The following NXPE4 variants were observed in gnomAD, a reference collection of about 807,000 sequenced individuals.
NXPE4 encodes the protein NXPE family member 4.
In NXPE4, 42 loss-of-function variants were observed where a neutral mutation model predicts 33.3. That is an observed-to-expected ratio of 1.26 (90% CI 0.98 to 1.63). The LOEUF (loss-of-function observed/expected upper bound fraction) is 1.63, where lower values mean the gene tolerates loss of function less well. Among genes scored for constraint, NXPE4 ranks in the 40% most tolerant of loss-of-function variants. The probability of loss-of-function intolerance (pLI) is 0.00; values close to 1 mark genes in which losing one functional copy is unlikely to be tolerated. For missense variants in NXPE4, 709 were observed against 647.6 expected, an observed-to-expected ratio of 1.09 and a Z score of -1.03; for synonymous variants, 253 against 234.9, an observed-to-expected ratio of 1.08 and a Z score of -0.71.
the NXPE4 span, among the ~76,000 whole-genome samples, chr11:114,648,468 A>G: frequency 6.6e-6 from 1 of 152,220 alleles, no homozygotes; most frequent in Non-Finnish European, 1.5e-5. Context: ...GATGAGGCTC[A>G]CCTACATTGG....
At chr11:114,639,706 C>A in the NXPE4 span, among the ~76,000 whole-genome samples, 1 of 122,786 alleles carries the variant, frequency 8.1e-6, no homozygotes, top group East Asian at 2.3e-4. Context: ...ATAATATATT[C>A]TATAATATAT....
the NXPE4 span, among the ~76,000 whole-genome samples, chr11:114,628,461 T>C: frequency 2.2e-4 from 33 of 152,130 alleles, no homozygotes; most frequent in Admixed American, 3.9e-4. Flanking sequence ...AAAGATGTTC[T>C]TTGAAACCAA....
At chr11:114,639,297 C>T in the NXPE4 span, among the ~76,000 whole-genome samples, 1 of 152,054 alleles carries the variant, frequency 6.6e-6, no homozygotes, top group Admixed American at 6.6e-5. Context: ...TCTCCTGGTG[C>T]ACCGTTCCTT....
At chr11:114,625,240 C>T in the NXPE4 span, among the ~76,000 whole-genome samples, 2 of 152,164 alleles carry the variant, frequency 1.3e-5, no homozygotes, top group African/African-American at 2.4e-5. Context: ...CGTATTGCCT[C>T]GTGGGTTACC....
chr11:114,633,852 T>C, the NXPE4 span, among the ~76,000 whole-genome samples: 1 of 152,082 alleles, frequency 6.6e-6, no homozygotes, highest in Non-Finnish European at 1.5e-5. Context: ...ATTATCTTAA[T>C]CCAGTCTATC....
At chr11:114,618,221 C>A in the NXPE4 span, among the ~76,000 whole-genome samples, 1 of 151,872 alleles carries the variant, frequency 6.6e-6, no homozygotes, top group South Asian at 2.1e-4. Flanking sequence ...CACTGTTACC[C>A]GGAGGATAAT....
the NXPE4 span, among the ~76,000 whole-genome samples, chr11:114,670,482 C>T: frequency 1.1e-4 from 16 of 151,956 alleles, no homozygotes; most frequent in Non-Finnish European, 2.4e-4. Flanking sequence ...TCCCTTGAGG[C>T]TAGGAGTTGG....
At chr11:114,585,706 G>A (rs986276313) in intron 2 of NXPE4, among the ~76,000 whole-genome samples, 3 of 152,054 alleles carry the variant, frequency 2.0e-5, no homozygotes, top group Non-Finnish European at 4.4e-5. Flanking sequence ...GACAGTGAGG[G>A]TAAAGGAGTC....
chr11:114,650,007 A>G, the NXPE4 span, among the ~76,000 whole-genome samples: 1 of 152,236 alleles, frequency 6.6e-6, no homozygotes, highest in Non-Finnish European at 1.5e-5. Flanking sequence ...TAAAAGGTCA[A>G]TAAAGATTTC....
chr11:114,675,697 G>A, the NXPE4 span, among the ~76,000 whole-genome samples: 6 of 151,796 alleles, frequency 4.0e-5, no homozygotes, highest in Admixed American at 1.3e-4. Context: ...CAGATTTAAC[G>A]TCATCTTTAT....
At chr11:114,661,115 T>G in the NXPE4 span, among the ~76,000 whole-genome samples, 1 of 152,096 alleles carries the variant, frequency 6.6e-6, no homozygotes, top group Non-Finnish European at 1.5e-5. Context: ...AAAGAAGACA[T>G]AAATAAATGG....
the NXPE4 span, among the ~76,000 whole-genome samples, chr11:114,657,308 G>C: frequency 1.3e-5 from 2 of 152,080 alleles, no homozygotes; most frequent in Non-Finnish European, 2.9e-5. Context: ...TCTCGATATA[G>C]AATTTAGAGG....
At chr11:114,598,808 C>T (rs1481494988), upstream of NXPE4, among the ~76,000 whole-genome samples, 1 of 151,870 alleles carries the variant, frequency 6.6e-6, no homozygotes, top group Non-Finnish European at 1.5e-5. Context: ...GAGAGGCTTC[C>T]ACAAAGTTCT....
At chr11:114,639,178 C>T in the NXPE4 span, among the ~76,000 whole-genome samples, 3 of 152,006 alleles carry the variant, frequency 2.0e-5, no homozygotes, top group Non-Finnish European at 4.4e-5. Flanking sequence ...ATGGTGGGCA[C>T]CCCTCCCCCA....
In NXPE4 at chr11:114,582,287, C is replaced by T; in HGVS notation, c.830+1G>A. The T allele has an allele frequency of 1.3e-6, 2 of 1,558,196 alleles. No individual in the cohort carries two copies. Among genetic ancestry groups the T allele is most frequent in the Non-Finnish European group, 1.7e-6 (2 of 1,155,194 alleles). On this transcript the variant is annotated splice_donor_variant, in intron 3 of 5. Transcript: ENST00000375478. LOFTEE classifies it high-confidence loss of function. Reference sequence around the variant, plus strand: ...TAGTCTCAAGAAGTAATTATTTTTACCTTTCAAAGAGGCTCTTTTCTTGTT... The same window carrying T: ...TAGTCTCAAGAAGTAATTATTTTTATCTTTCAAAGAGGCTCTTTTCTTGTT...
chr11:114,645,482 CAAAA>C, the NXPE4 span, among the ~76,000 whole-genome samples: 1 of 151,796 alleles, frequency 6.6e-6, no homozygotes, highest in Admixed American at 6.6e-5. Context: ...GAAAGACAAA[CAAAA>C]ACCAAAAACA....
At chr11:114,606,427 G>T in the NXPE4 span, among the ~76,000 whole-genome samples, 10 of 150,504 alleles carry the variant, frequency 6.6e-5, 1 homozygote, top group South Asian at 1.5e-3. Flanking sequence ...GTATTGCCTC[G>T]TGGGTAACCA....
chr11:114,574,141 A>G (rs1338548979), intron 5 of NXPE4, among the ~76,000 whole-genome samples: 1 of 152,178 alleles, frequency 6.6e-6, no homozygotes, highest in Non-Finnish European at 1.5e-5. Flanking sequence ...CAAGATGGAA[A>G]TTAAAAAATT....
At chr11:114,643,454 C>T in the NXPE4 span, among the ~76,000 whole-genome samples, 8 of 152,100 alleles carry the variant, frequency 5.3e-5, 1 homozygote, top group Middle Eastern at 0.014. Context: ...GGAAGGGGTC[C>T]AGTTTCAGTT....
Sources: allele counts gnomAD v4.1 joint callset (sites outside exome capture counted in the v4.1 genomes callset), GRCh38; gene constraint gnomAD v4.1.1; transcripts MANE v1.5; gene names NCBI Gene and HGNC (gene_info 2026-07-23, HGNC 2026-07-21).